CLNK: variants seen among roughly 807,000 people sequenced by gnomAD.
CLNK encodes cytokine dependent hematopoietic cell linker, also known as cytokine-dependent hematopoietic cell linker.
Under a neutral mutation model 68.6 loss-of-function variants are expected in CLNK, and 74 were observed. The ratio of observed to expected loss-of-function variants is 1.08; its 90% CI spans 0.89 to 1.31. The LOEUF (loss-of-function observed/expected upper bound fraction) is 1.31, where lower values mean the gene tolerates loss of function less well. Among genes scored for constraint, CLNK ranks in the 50% most tolerant of loss-of-function variants. The pLI is 0.00. For synonymous variants in CLNK, 198 were observed against 172.2 expected, an observed-to-expected ratio of 1.15 and a Z score of -1.17; for missense variants, 553 against 515.3, an observed-to-expected ratio of 1.07 and a Z score of -0.71.
intron 2 of CLNK, among the ~76,000 whole-genome samples, chr4:10,659,572 G>A (rs1301788947): frequency 6.6e-6 from 1 of 151,954 alleles, no homozygotes; most frequent in African/African-American, 2.4e-5. Context: ...CTCCTTTCAC[G>A]GATTACCTCA....
At chr4:10,628,043 C>G (rs1417494963) in intron 2 of CLNK, among the ~76,000 whole-genome samples, 1 of 152,234 alleles carries the variant, frequency 6.6e-6, no homozygotes, top group African/African-American at 2.4e-5. Context: ...TGGATAACAG[C>G]CTTTTAACTG....
At position 10,525,844 on chromosome 4, in the gene CLNK, C is replaced by A. The variant is rs183771991; in HGVS notation, c.728G>T (p.Ser243Ile). The change falls in exon 14 of 19, where the codon AGC becomes ATC. Residue 243 changes from serine (S) to isoleucine (I), a missense_variant. Physicochemically the swap from Ser to Ile is moderately radical, Grantham distance 142. Transcript: ENST00000226951. ...GAAAGGATTCCTGGCTCCTTACCTG[C>A]TAATGGCAAGTGGAATCTCTTGAGT... ...QNTQEIPLAISSSSFTTSNHS... is the reference protein window; with the variant it reads ...QNTQEIPLAIISSSFTTSNHS... 950 of 1,574,478 alleles carry A rather than the reference C, an allele frequency of 6.0e-4. 1 individual carries two copies. Among genetic ancestry groups the A allele is most frequent in the Non-Finnish European group, 7.7e-4 (885 of 1,155,944 alleles).
chr4:10,553,559 C>T (rs2108815734), intron 8 of CLNK, among the ~76,000 whole-genome samples: 1 of 152,168 alleles, frequency 6.6e-6, no homozygotes, highest in East Asian at 1.9e-4. Flanking sequence ...TCAAGCAATT[C>T]TCCTGCCTCA....
At chr4:10,644,538 G>T (rs1193080936) in intron 2 of CLNK, among the ~76,000 whole-genome samples, 2 of 152,108 alleles carry the variant, frequency 1.3e-5, no homozygotes, top group Non-Finnish European at 2.9e-5. Context: ...GAGCTCAGGT[G>T]GTCTACACTG....
chr4:10,683,711 G>A (rs947997822), intron 1 of CLNK, among the ~76,000 whole-genome samples: 2 of 152,172 alleles, frequency 1.3e-5, no homozygotes, highest in African/African-American at 4.8e-5. Flanking sequence ...GAGGATTTCT[G>A]AAGCGCTGTC....
At chr4:10,721,340 A>G in the CLNK span, among the ~76,000 whole-genome samples, 1 of 152,174 alleles carries the variant, frequency 6.6e-6, no homozygotes, top group Non-Finnish European at 1.5e-5. Flanking sequence ...AAATGGGTAA[A>G]GGGCACACAG....
In CLNK at chr4:10,488,502, A is replaced by G. The variant is rs1716437485; in HGVS notation, c.*1965T>C. 6.6e-6 allele frequency: 1 copy of G among 152,280 alleles called. No individual in the cohort carries two copies. The highest frequency in any genetic ancestry group is 1.5e-5 in the Non-Finnish European group (1 of 68,066). 9.4% of individuals were successfully genotyped at this position (152,280 alleles called of 1,614,324 possible). ...TTCCAGTAGAGAATGACCAGCAACC[A>G]TACAGCTTTTAGCTTTGACCGGACC... On this transcript the variant is annotated 3_prime_UTR_variant, in exon 19 of 19. Transcript: ENST00000226951.
At chr4:10,731,851 C>G in the CLNK span, among the ~76,000 whole-genome samples, 1 of 152,170 alleles carries the variant, frequency 6.6e-6, no homozygotes, top group East Asian at 1.9e-4. Flanking sequence ...ATACCACATG[C>G]AAATCTAACG....
At chr4:10,677,613 G>T (rs61794274) in intron 1 of CLNK, among the ~76,000 whole-genome samples, 20,472 of 151,958 alleles carry the variant, frequency 0.13, 1,552 homozygotes, top group South Asian at 0.17. Context: ...GTTCTCACAA[G>T]ATCTGATGGT....
chr4:10,643,465 G>A (rs1723387731), intron 2 of CLNK, among the ~76,000 whole-genome samples: 2 of 152,360 alleles, frequency 1.3e-5, no homozygotes, highest in South Asian at 4.1e-4. Context: ...GCCTGATAGT[G>A]ACTGTTTTCC....
the CLNK span, among the ~76,000 whole-genome samples, chr4:10,699,512 A>ATTT: frequency 3.7e-3 from 121 of 32,668 alleles, 2 homozygotes; most frequent in South Asian, 6.4e-3. Flanking sequence ...ATATATATAT[A>ATTT]TTTTTTTTTT....
At chr4:10,698,496 T>A in the CLNK span, among the ~76,000 whole-genome samples, 1 of 152,224 alleles carries the variant, frequency 6.6e-6, no homozygotes, top group African/African-American at 2.4e-5. Flanking sequence ...GGTTTGTTCA[T>A]ATTTCTGAAA....
intron 3 of CLNK, among the ~76,000 whole-genome samples, chr4:10,586,267 C>T (rs903291141): frequency 6.6e-6 from 1 of 151,700 alleles, no homozygotes. Context: ...CTAGTCCTAA[C>T]TATGTAAAAT....
chr4:10,541,899 C>T (rs1314770577), intron 10 of CLNK, 123 bp downstream of exon 10: 161 of 723,550 alleles, frequency 2.2e-4, no homozygotes, highest in Non-Finnish European at 3.1e-4. Flanking sequence ...TTTCCACATC[C>T]GTCTCTCACT....
chr4:10,575,933 G>T (rs1388368446), intron 4 of CLNK, among the ~76,000 whole-genome samples: 1 of 152,044 alleles, frequency 6.6e-6, no homozygotes, highest in South Asian at 2.1e-4. Context: ...TTTCTCCATA[G>T]CATCTAGGAA....
At chr4:10,664,230 A>G (rs200205064) in intron 2 of CLNK, among the ~76,000 whole-genome samples, 3 of 6,398 alleles carry the variant, frequency 4.7e-4, no homozygotes, top group East Asian at 4.6e-3. Context: ...ATTAACAAGT[A>G]AAAAAAAAAA....
At chr4:10,645,999 C>G (rs1723496916) in intron 2 of CLNK, among the ~76,000 whole-genome samples, 1 of 152,020 alleles carries the variant, frequency 6.6e-6, no homozygotes, top group East Asian at 1.9e-4. Flanking sequence ...ACAGTAAAAT[C>G]CCAATTTTGC....
chr4:10,730,771 C>A, the CLNK span, among the ~76,000 whole-genome samples: 58 of 152,286 alleles, frequency 3.8e-4, no homozygotes, highest in Middle Eastern at 0.01. Flanking sequence ...GTTTACAACT[C>A]ATATGTACGT....
At chr4:10,507,574 G>A (rs1243519036) in intron 17 of CLNK, among the ~76,000 whole-genome samples, 2 of 151,496 alleles carry the variant, frequency 1.3e-5, no homozygotes, top group East Asian at 1.9e-4. Flanking sequence ...AGTGATTCTC[G>A]TGTCTCAGCC....
Sources: allele counts gnomAD v4.1 joint callset (sites outside exome capture counted in the v4.1 genomes callset), GRCh38; gene constraint gnomAD v4.1.1; transcripts MANE v1.5; gene names NCBI Gene and HGNC (gene_info 2026-07-23, HGNC 2026-07-21).